Variants in GNB1 observed in about 807,000 individuals in gnomAD.
The protein encoded by GNB1 is G protein subunit beta 1.
GNB1 carries 2 observed loss-of-function variants against 42.9 expected under a neutral mutation model. That is an observed-to-expected ratio of 0.05 (90% CI 0.02 to 0.15). The LOEUF is 0.15. GNB1 is among the 10% of genes least tolerant of loss of function. GNB1 has a pLI of 1.00. For synonymous variants in GNB1, 183 were observed against 174.7 expected, an observed-to-expected ratio of 1.05 and a Z score of -0.38; for missense variants, 193 against 462.2, an observed-to-expected ratio of 0.42 and a Z score of 5.34.
chr1:1,862,196 G>A (rs1224217783), intron 1 of GNB1, among the ~76,000 whole-genome samples: 1 of 152,196 alleles, frequency 6.6e-6, no homozygotes, highest in Non-Finnish European at 1.5e-5. Flanking sequence ...CACTCCGCCT[G>A]GGTAACAGAG....
chr1:1,843,917 C>T (rs530614939), intron 1 of GNB1, among the ~76,000 whole-genome samples: 2 of 151,682 alleles, frequency 1.3e-5, no homozygotes, highest in Admixed American at 6.6e-5. Context: ...AATTACTGGC[C>T]GGGTGCGGTG....
chr1:1,796,619 C>T lies in GNB1; in HGVS notation c.431-3308G>A, dbSNP rs532191780. Among the ~76,000 whole-genome samples the T allele has an allele frequency of 7.2e-5, 11 of 152,278 alleles. No homozygotes were observed. The East Asian group carries it at 1.4e-3, about 19-fold the overall frequency. ...GGGGGACACTTCAGGTGAAAACACG[C>T]CCCTCCTCCCCTGGTGCGGGGGCCT... On this transcript the variant is annotated intron_variant, in intron 7 of 11. Coordinates refer to ENST00000378609, the MANE Select transcript of GNB1 (RefSeq NM_002074.5).
At chr1:1,840,692 CTA>C (rs889644211) in intron 1 of GNB1, among the ~76,000 whole-genome samples, 1 of 152,248 alleles carries the variant, frequency 6.6e-6, no homozygotes, top group African/African-American at 2.4e-5. Flanking sequence ...CCTGGCAAGT[CTA>C]TGTTGGGACA....
At position 1,891,007 on chromosome 1, in the gene GNB1, TC is replaced by T. The variant is rs1291439398; in HGVS notation, c.-284del. 2.6e-5 allele frequency: 4 copies of T among 151,332 alleles called. No homozygotes were observed. The highest frequency in any genetic ancestry group is 9.9e-5 in the African/African-American group (4 of 40,234). 9.4% of individuals were successfully genotyped at this position (151,332 alleles called of 1,614,324 possible). A position where few individuals can be genotyped will look rare whatever the true frequency, so the allele number is the denominator to read the frequency against. On this transcript the variant is annotated 5_prime_UTR_variant, in exon 1 of 12. Coordinates refer to ENST00000378609, the MANE Select transcript of GNB1 (RefSeq NM_002074.5). Reference sequence around the variant, plus strand: ...GCCCCGCTCCCCACTCGCCGCCCGCTCCCGCTCCCGCCGCCGCCGCCGCCGC... The same window carrying T: ...GCCCCGCTCCCCACTCGCCGCCCGCTCCGCTCCCGCCGCCGCCGCCGCCGC...
chr1:1,883,614 G>A (rs1649979378), intron 1 of GNB1, among the ~76,000 whole-genome samples: 1 of 152,200 alleles, frequency 6.6e-6, no homozygotes, highest in South Asian at 2.1e-4. Flanking sequence ...ACCCCATGAA[G>A]GAGGCTCTAG....
At chr1:1,788,101 G>A (rs1354962058) in intron 10 of GNB1, 9 of 152,166 alleles carry the variant, frequency 5.9e-5, no homozygotes, top group Non-Finnish European at 1.5e-5. Context: ...AGAGGCATGA[G>A]CCGTTTTTCC....
At chr1:1,867,124 A>G (rs1648987152) in intron 1 of GNB1, among the ~76,000 whole-genome samples, 1 of 151,294 alleles carries the variant, frequency 6.6e-6, no homozygotes, top group Non-Finnish European at 1.5e-5. Context: ...AAAATTAGCC[A>G]AGCATGGTGG....
At chr1:1,869,662 T>G (rs924148606) in intron 1 of GNB1, among the ~76,000 whole-genome samples, 1 of 152,188 alleles carries the variant, frequency 6.6e-6, no homozygotes, top group Non-Finnish European at 1.5e-5. Flanking sequence ...TCCTCTTTTC[T>G]GCCTCTTCTT....
rs56231009 is a variant in GNB1, at chr1:1,836,559, A to AT, written c.-47+2630dup. ...GACACACAACACGATGCCTGGCTAA[A>AT]TTTTTTTTTTGGAGACAGTCTCGCT... is the stretch of plus-strand genomic sequence containing the variant. On this transcript the variant is annotated intron_variant, in intron 2 of 11. Coordinates refer to ENST00000378609, the MANE Select transcript of GNB1 (RefSeq NM_002074.5). Among the ~76,000 whole-genome samples the AT allele has an allele frequency of 8.9e-3, 1,316 of 148,494 alleles. 11 individuals carry two copies. The highest frequency in any genetic ancestry group is 0.014 in the Non-Finnish European group (924 of 66,796).
chr1:1,833,839 C>T (rs1647108645), intron 2 of GNB1, among the ~76,000 whole-genome samples: 1 of 152,038 alleles, frequency 6.6e-6, no homozygotes, highest in Non-Finnish European at 1.5e-5. Context: ...AAAAATCTTA[C>T]CTTAGGATTT....
At chr1:1,889,405 G>C (rs760826395) in intron 1 of GNB1, among the ~76,000 whole-genome samples, 13 of 152,142 alleles carry the variant, frequency 8.5e-5, no homozygotes, top group Non-Finnish European at 1.8e-4. Flanking sequence ...TTACCCATAA[G>C]TCCAGTACTG....
At chr1:1,795,841 A>G (rs1246074291) in intron 7 of GNB1, among the ~76,000 whole-genome samples, 1 of 152,196 alleles carries the variant, frequency 6.6e-6, no homozygotes, top group Admixed American at 6.5e-5. Flanking sequence ...CACAGAATCC[A>G]TCAGCTTCTT....
intron 1 of GNB1, among the ~76,000 whole-genome samples, chr1:1,862,883 G>A (rs867655147): frequency 2.6e-5 from 4 of 152,170 alleles, no homozygotes; most frequent in Admixed American, 6.5e-5. Flanking sequence ...AAAACACCAC[G>A]GAGGAGGCAA....
intron 1 of GNB1, among the ~76,000 whole-genome samples, chr1:1,851,857 A>G (rs1648001759): frequency 6.6e-6 from 1 of 151,974 alleles, no homozygotes; most frequent in South Asian, 2.1e-4. Context: ...CAGCCTGACC[A>G]ACACGGAGAA....
intron 1 of GNB1, among the ~76,000 whole-genome samples, chr1:1,888,772 G>A (rs577194181): frequency 8.5e-5 from 13 of 152,228 alleles, no homozygotes; most frequent in Middle Eastern, 3.4e-3. Context: ...CGGGGGCGCG[G>A]AGGTTGCAAT....
At chr1:1,882,920 C>CAAA (rs571867262) in intron 1 of GNB1, among the ~76,000 whole-genome samples, 1 of 114,938 alleles carries the variant, frequency 8.7e-6, no homozygotes. Context: ...GACTCCGTCT[C>CAAA]AAAAAAAAAA....
Position 1,868,018 on chromosome 1 carries a change from AT to A in GNB1, c.-96+22801del, listed in dbSNP as rs538763048. 6.0e-4 allele frequency among the ~76,000 whole-genome samples: 92 copies of A among 152,264 alleles called. No homozygotes were observed. In the East Asian group the frequency reaches 0.016, roughly 26 times the overall value. On this transcript the variant is annotated intron_variant, in intron 1 of 11. Transcript: ENST00000378609. ...TTTCTTTCTTTAGAACTCCCCTCAAATATTTACTTCTCCAAATCAAGTGACA... is the reference window on the plus strand; with the variant it reads ...TTTCTTTCTTTAGAACTCCCCTCAAAATTTACTTCTCCAAATCAAGTGACA...
intron 1 of GNB1, among the ~76,000 whole-genome samples, chr1:1,853,105 C>T (rs1460831633): frequency 1.3e-5 from 2 of 152,094 alleles, no homozygotes; most frequent in Non-Finnish European, 2.9e-5. Context: ...CTTTCCCCTC[C>T]TGCCCCTGTG....
At chr1:1,823,017 C>A (rs769755230) in intron 3 of GNB1, among the ~76,000 whole-genome samples, 2 of 151,678 alleles carry the variant, frequency 1.3e-5, no homozygotes, top group Admixed American at 6.6e-5. Flanking sequence ...CCGAGGTGGG[C>A]GGATCACGAG....
Sources: gnomAD v4.1 joint callset for allele counts (sites outside exome capture counted in the v4.1 genomes callset) on GRCh38, gnomAD v4.1.1 for gene constraint, MANE v1.5 for transcripts, NCBI Gene and HGNC (gene_info 2026-07-23, HGNC 2026-07-21) for gene names.